The following LARGE1 variants were observed in gnomAD, a reference collection of about 807,000 sequenced individuals.
LARGE1 encodes LARGE xylosyl- and glucuronyltransferase 1.
A neutral mutation model predicts 87.6 loss-of-function variants in LARGE1; 43 were observed. The observed-to-expected ratio is 0.49, with a 90% confidence interval of 0.38 to 0.63. The LOEUF (loss-of-function observed/expected upper bound fraction) is 0.63, where lower values mean the gene tolerates loss of function less well. LARGE1 is among the 30% of genes least tolerant of loss of function. The pLI is 0.00. For missense variants in LARGE1, 802 were observed against 1,000.2 expected (o/e 0.80, Z 2.67); for synonymous variants, 434 against 394.6 (o/e 1.10, Z -1.18).
intron 6 of LARGE1, among the ~76,000 whole-genome samples, chr22:33,527,279 A>AT (rs2071954446): frequency 6.6e-6 from 1 of 152,174 alleles, no homozygotes. Context: ...AATTCCAAGG[A>AT]TAAAAACCCC....
the LARGE1 span, among the ~76,000 whole-genome samples, chr22:33,089,371 C>CTTCTTCTCCTTCTCCTTCTT: frequency 2.6e-5 from 2 of 76,048 alleles, no homozygotes; most frequent in East Asian, 4.3e-4. Flanking sequence ...TTCTTCTTCT[C>CTTCTTCTCCTTCTCCTTCTT]CTTCTTCTTC....
chr22:33,227,293 A>G (rs1925790826), intron 11 of LARGE1, among the ~76,000 whole-genome samples: 1 of 152,218 alleles, frequency 6.6e-6, no homozygotes, highest in Admixed American at 6.5e-5. Flanking sequence ...CCTGACTACT[A>G]GACCATGCTG....
chr22:33,321,745 T>C (rs993367708), intron 10 of LARGE1, among the ~76,000 whole-genome samples: 1 of 152,164 alleles, frequency 6.6e-6, no homozygotes, highest in Non-Finnish European at 1.5e-5. Context: ...GTCCTCACCA[T>C]GTGAAAATGG....
rs184356955 is a variant in LARGE1, at chr22:33,428,345, C to A, written c.892+3816G>T. Among the ~76,000 whole-genome samples the A allele has an allele frequency of 2.6e-3, 382 of 146,050 alleles. 1 individual carries two copies. The highest frequency in any genetic ancestry group is 9.4e-3 in the African/African-American group (369 of 39,106). On this transcript the variant is annotated intron_variant, in intron 7 of 14. Transcript: ENST00000397394. ...TTTTTTTTTTTTTTTGAGACAGAGT[C>A]TCAGTCTGTCGCCCAGCTGGAGTGC...
chr22:33,511,910 T>C (rs1350739425), intron 6 of LARGE1, among the ~76,000 whole-genome samples: 1 of 152,228 alleles, frequency 6.6e-6, no homozygotes, highest in Non-Finnish European at 1.5e-5. Context: ...TGGATGGGAC[T>C]GTAGCATATC....
At chr22:33,226,265 G>A (rs1303461149) in intron 11 of LARGE1, among the ~76,000 whole-genome samples, 1 of 152,174 alleles carries the variant, frequency 6.6e-6, no homozygotes, top group East Asian at 1.9e-4. Context: ...TCATGTCTCT[G>A]CATTGCCACC....
At chr22:33,637,640 T>C (rs533221761) in intron 3 of LARGE1, among the ~76,000 whole-genome samples, 1 of 152,332 alleles carries the variant, frequency 6.6e-6, no homozygotes, top group South Asian at 2.1e-4. Flanking sequence ...AAAAGCTAGC[T>C]GATATGTTAT....
At chr22:33,500,017 G>C (rs1438813226) in intron 6 of LARGE1, among the ~76,000 whole-genome samples, 1 of 152,080 alleles carries the variant, frequency 6.6e-6, no homozygotes, top group Non-Finnish European at 1.5e-5. Flanking sequence ...CAGGTGATCT[G>C]CCTGCCTCGG....
At chr22:33,587,824 T>C (rs1602584752) in intron 5 of LARGE1, among the ~76,000 whole-genome samples, 1 of 152,152 alleles carries the variant, frequency 6.6e-6, no homozygotes, top group East Asian at 1.9e-4. Flanking sequence ...TTTTGTTTAA[T>C]GTTTCTGTTT....
intron 1 of LARGE1, among the ~76,000 whole-genome samples, chr22:33,883,293 A>G (rs768500461): frequency 1.3e-5 from 2 of 152,166 alleles, no homozygotes; most frequent in African/African-American, 2.4e-5. Flanking sequence ...TTTCCATTGC[A>G]GAGTCAAGAA....
chr22:33,260,297 C>T (rs1267015784), intron 11 of LARGE1, among the ~76,000 whole-genome samples: 3 of 152,196 alleles, frequency 2.0e-5, no homozygotes, highest in South Asian at 2.1e-4. Context: ...GCCTTTTCAA[C>T]GGCATCCCTA....
At chr22:33,353,723 T>C (rs1421363824) in intron 9 of LARGE1, among the ~76,000 whole-genome samples, 2 of 152,242 alleles carry the variant, frequency 1.3e-5, no homozygotes, top group African/African-American at 2.4e-5. Flanking sequence ...AATTCCTACT[T>C]TAATGATAAC....
chr22:33,457,876 T>G (rs1242252951), intron 6 of LARGE1, among the ~76,000 whole-genome samples: 2 of 152,040 alleles, frequency 1.3e-5, no homozygotes, highest in East Asian at 3.9e-4. Flanking sequence ...AGGCTGTGTG[T>G]GTATATGGAA....
chr22:33,082,776 A>G, the LARGE1 span, among the ~76,000 whole-genome samples: 1 of 152,182 alleles, frequency 6.6e-6, no homozygotes, highest in Non-Finnish European at 1.5e-5. Flanking sequence ...TACTTAATAA[A>G]CTACCTTGGG....
chr22:33,594,462 CTG>C (rs1454128543), intron 5 of LARGE1, among the ~76,000 whole-genome samples: 2 of 152,198 alleles, frequency 1.3e-5, no homozygotes, highest in African/African-American at 4.8e-5. Flanking sequence ...GACAAAGACT[CTG>C]TGCTCAGTGC....
chr22:33,556,561 AGGG>A, intron 6 of LARGE1, among the ~76,000 whole-genome samples: 5 of 44,456 alleles, frequency 1.1e-4, no homozygotes, highest in Non-Finnish European at 1.9e-4. Context: ...GGAGGGAGGG[AGGG>A]AGGCAGGCAG....
At chr22:33,382,220 A>G (rs1228262728) in intron 8 of LARGE1, among the ~76,000 whole-genome samples, 176 bp from the exon 9 acceptor site, 1 of 152,122 alleles carries the variant, frequency 6.6e-6, no homozygotes, top group African/African-American at 2.4e-5. Context: ...GGAACCAAGC[A>G]ATAATGTTTG....
At chr22:33,426,451 G>A (rs1489890876) in intron 7 of LARGE1, among the ~76,000 whole-genome samples, 1 of 152,176 alleles carries the variant, frequency 6.6e-6, no homozygotes, top group Non-Finnish European at 1.5e-5. Context: ...TGACATCAGA[G>A]ACAATTAAGA....
intron 4 of LARGE1, among the ~76,000 whole-genome samples, chr22:33,619,622 T>A (rs1461807735): frequency 6.6e-6 from 1 of 152,078 alleles, no homozygotes; most frequent in Non-Finnish European, 1.5e-5. Flanking sequence ...TTCTTTTTGT[T>A]GAGAAGCTCA....
Sources: allele counts gnomAD v4.1 joint callset (sites outside exome capture counted in the v4.1 genomes callset), GRCh38; gene constraint gnomAD v4.1.1; transcripts MANE v1.5; gene names NCBI Gene and HGNC (gene_info 2026-07-23, HGNC 2026-07-21).